Variants in VSTM4 observed in about 807,000 individuals in gnomAD.
VSTM4 encodes the protein V-set and transmembrane domain-containing protein 4.
A neutral mutation model predicts 36.4 loss-of-function variants in VSTM4; 20 were observed. The ratio of observed to expected loss-of-function variants is 0.55; its 90% CI spans 0.39 to 0.80. The LOEUF (loss-of-function observed/expected upper bound fraction) is 0.80, where lower values mean the gene tolerates loss of function less well. Among genes scored for constraint, VSTM4 ranks in the 30% least tolerant of loss-of-function variants. VSTM4 has a pLI of 0.00. For synonymous variants in VSTM4, 182 were observed against 173.9 expected (o/e 1.05, Z -0.37); for missense variants, 392 against 404.5 (o/e 0.97, Z 0.26).
intron 3 of VSTM4, among the ~76,000 whole-genome samples, chr10:49,077,864 G>C (rs903930403): frequency 1.3e-5 from 2 of 151,992 alleles, no homozygotes; most frequent in African/African-American, 4.8e-5. Context: ...AACATATAAA[G>C]AGGATAAAAA....
Position 49,107,938 on chromosome 10 carries a change from TC to T in VSTM4, c.112del (p.Glu38ArgfsTer37). The T allele has an allele frequency of 6.2e-7, 1 of 1,611,436 alleles. No individual in the cohort carries two copies. The highest frequency in any genetic ancestry group is 8.5e-7 in the Non-Finnish European group (1 of 1,178,712). ...VSPGPVVDYL[E>X]GENATLLCHV... Reference sequence around the variant, plus strand: ...GCAGAGGAGAGTGGCATTCTCCCCCTCCAGGTAGTCAACCACGGGCCCCGGG... The same window carrying T: ...GCAGAGGAGAGTGGCATTCTCCCCCTCAGGTAGTCAACCACGGGCCCCGGG... On this transcript the variant is annotated frameshift_variant, in exon 2 of 8. Transcript: ENST00000332853. LOFTEE classifies it high-confidence loss of function.
At chr10:49,070,687 T>A (rs1464599623) in intron 4 of VSTM4, among the ~76,000 whole-genome samples, 1 of 152,158 alleles carries the variant, frequency 6.6e-6, no homozygotes, top group Non-Finnish European at 1.5e-5. Flanking sequence ...ACCCACTTTA[T>A]AAATAAGGGA....
At chr10:49,032,938 CTT>C (rs10713552) in intron 7 of VSTM4, among the ~76,000 whole-genome samples, 250 of 143,206 alleles carry the variant, frequency 1.7e-3, no homozygotes, top group Non-Finnish European at 2.1e-3. Context: ...CACTCTGATT[CTT>C]TTTTTTTTTT....
Position 49,085,985 on chromosome 10 carries a change from T to C in VSTM4, c.496A>G (p.Lys166Glu). The change falls in exon 3 of 8, where the codon AAA becomes GAA. Residue 166 changes from lysine to glutamate, a missense_variant. By Grantham distance (56) the Lys-to-Glu change is moderately conservative (BLOSUM62 1). Coordinates refer to ENST00000332853, the MANE Select transcript of VSTM4 (RefSeq NM_001031746.5). ...AAAAATGCCCAAGTCTCTTTTGTTT[T>C]CTCAAAGGATGACTCTTCAGAAGCT... is the stretch of plus-strand genomic sequence containing the variant. ...LKASEESSFE[K>E]TKETWAFFED... 8.1e-6 allele frequency: 13 copies of C among 1,595,480 alleles called. No homozygotes were observed. Among genetic ancestry groups the C allele is most frequent in the Non-Finnish European group, 1.1e-5 (13 of 1,172,758 alleles).
At chr10:49,021,506 C>G (rs539059861) in intron 7 of VSTM4, among the ~76,000 whole-genome samples, 2 of 152,132 alleles carry the variant, frequency 1.3e-5, no homozygotes, top group South Asian at 4.2e-4. Flanking sequence ...TGCAATTCAA[C>G]AAAGATAATA....
chr10:49,081,361 G>A (rs1229779764), intron 3 of VSTM4, among the ~76,000 whole-genome samples: 2 of 152,342 alleles, frequency 1.3e-5, no homozygotes, highest in South Asian at 2.1e-4. Context: ...TCTTATTCAT[G>A]GAGTGGAGAG....
chr10:49,058,375 T>C (rs1843818989), intron 5 of VSTM4, among the ~76,000 whole-genome samples: 1 of 152,178 alleles, frequency 6.6e-6, no homozygotes, highest in African/African-American at 2.4e-5. Context: ...CACAGCTCTG[T>C]GCAACTGGGG....
chr10:49,037,706 G>T (rs1282134895), intron 7 of VSTM4, among the ~76,000 whole-genome samples: 1 of 152,212 alleles, frequency 6.6e-6, no homozygotes, highest in Non-Finnish European at 1.5e-5. Context: ...TTATGTAACT[G>T]ATGTGGAATT....
chr10:49,044,370 G>GA (rs1246791029), intron 7 of VSTM4, among the ~76,000 whole-genome samples: 1 of 126,510 alleles, frequency 7.9e-6, no homozygotes. Flanking sequence ...TTAATGACAA[G>GA]AAAAGAAGGA....
intron 1 of VSTM4, among the ~76,000 whole-genome samples, chr10:49,108,779 C>T (rs1174545652): frequency 1.3e-5 from 2 of 152,148 alleles, no homozygotes; most frequent in Non-Finnish European, 2.9e-5. Context: ...TAGTTAAAAC[C>T]AGCCCGAGGG....
At chr10:49,097,143 T>C (rs1439462397) in intron 2 of VSTM4, among the ~76,000 whole-genome samples, 1 of 152,138 alleles carries the variant, frequency 6.6e-6, no homozygotes, top group Non-Finnish European at 1.5e-5. Context: ...ACGGGAACCT[T>C]AGGACACGTG....
At chr10:49,090,930 A>G (rs1327396023) in intron 2 of VSTM4, among the ~76,000 whole-genome samples, 1 of 149,188 alleles carries the variant, frequency 6.7e-6, no homozygotes, top group African/African-American at 2.4e-5. Flanking sequence ...GGAGACCATG[A>G]CAAGGGCAGT....
chr10:49,114,406 G>A (rs1195652357), intron 1 of VSTM4, among the ~76,000 whole-genome samples: 1 of 152,160 alleles, frequency 6.6e-6, no homozygotes, highest in African/African-American at 2.4e-5. Flanking sequence ...ACAGTTTAGT[G>A]GTTATTGACA....
At chr10:49,060,292 G>A (rs1843853806) in intron 5 of VSTM4, among the ~76,000 whole-genome samples, 1 of 152,202 alleles carries the variant, frequency 6.6e-6, no homozygotes, top group Admixed American at 6.5e-5. Flanking sequence ...GTTTTCCCAA[G>A]TGGTGGCACA....
intron 2 of VSTM4, among the ~76,000 whole-genome samples, chr10:49,104,695 G>A (rs977337201): frequency 3.3e-5 from 5 of 152,202 alleles, no homozygotes; most frequent in South Asian, 4.1e-4. Flanking sequence ...GCTGAGCTCC[G>A]CTGAGAGGGT....
chr10:49,115,438 C>A lies in VSTM4; in HGVS notation c.48G>T (p.Pro16=), dbSNP rs1467361024. 1 of 1,045,236 alleles carries A rather than the reference C, an allele frequency of 9.6e-7. No individual in the cohort carries two copies. Among genetic ancestry groups the A allele is most frequent in the Admixed American group, 4.3e-5 (1 of 23,006 alleles). 64.7% of individuals were successfully genotyped at this position (1,045,236 alleles called of 1,614,324 possible). ...LAAAALLARA[P]APEVCAALNV... ...TGGCCCCGCCGCGCTTACCCGGAGCCGGAGCCCGCGCCAGCAGCGCGGCCG... is the reference window on the plus strand; with the variant it reads ...TGGCCCCGCCGCGCTTACCCGGAGCAGGAGCCCGCGCCAGCAGCGCGGCCG... Residue 16 remains proline, a synonymous_variant, in exon 1 of 8, where the codon CCG becomes CCT. Coordinates refer to ENST00000332853, the MANE Select transcript of VSTM4 (RefSeq NM_001031746.5).
chr10:49,064,717 T>A lies in VSTM4; in HGVS notation c.654A>T (p.Lys218Asn), dbSNP rs1284412928. Reference sequence around the variant, plus strand: ...AATATTCTTACCTGTTCTGAGGGCATTTCACCAAATAATGTCTCACTGTGA... The same window carrying A: ...AATATTCTTACCTGTTCTGAGGGCAATTCACCAAATAATGTCTCACTGTGA... ...RKSRVRHYLVKCPQNSSGETV... is the reference protein window; with the variant it reads ...RKSRVRHYLVNCPQNSSGETV... Residue 218 changes from lysine (K) to asparagine (N), a missense_variant, in exon 5 of 8, where the codon AAA becomes AAT. Physicochemically the swap from Lys to Asn is moderately conservative, Grantham distance 94. Coordinates refer to ENST00000332853, the MANE Select transcript of VSTM4 (RefSeq NM_001031746.5). The A allele has an allele frequency of 6.2e-7, 1 of 1,613,048 alleles. No homozygotes were observed. The highest frequency in any genetic ancestry group is 1.7e-5 in the Admixed American group (1 of 59,578).
chr10:49,069,100 T>C (rs991066669), intron 4 of VSTM4, among the ~76,000 whole-genome samples: 3 of 151,526 alleles, frequency 2.0e-5, no homozygotes. Flanking sequence ...CCAGATGGCA[T>C]GTCCAGCCTG....
chr10:49,081,324 C>A (rs1203271944), intron 3 of VSTM4, among the ~76,000 whole-genome samples: 1 of 152,178 alleles, frequency 6.6e-6, no homozygotes. Flanking sequence ...GGTCCCCAGA[C>A]CAAAAGGCAG....
Sources: allele counts gnomAD v4.1 joint callset (sites outside exome capture counted in the v4.1 genomes callset), GRCh38; gene constraint gnomAD v4.1.1; transcripts MANE v1.5; gene names NCBI Gene and HGNC (gene_info 2026-07-23, HGNC 2026-07-21).